Variants in LTC4S observed in about 807,000 individuals in gnomAD.
LTC4S encodes the protein LTC4 synthase.
Under a neutral mutation model 19.6 loss-of-function variants are expected in LTC4S, and 18 were observed. The ratio of observed to expected loss-of-function variants is 0.92; its 90% CI spans 0.64 to 1.36. LTC4S has a LOEUF of 1.36. Ranked by LOEUF, LTC4S falls within the 40% of genes most tolerant of loss-of-function variation. LTC4S has a pLI of 0.00. For missense variants in LTC4S, 235 were observed against 212.2 expected, an observed-to-expected ratio of 1.11 and a Z score of -0.67; for synonymous variants, 126 against 110.1, an observed-to-expected ratio of 1.14 and a Z score of -0.91.
chr5:179,794,188 T>C, intron 1 of LTC4S, 50 bp downstream of exon 1: 1 of 1,609,444 alleles, frequency 6.2e-7, no homozygotes, highest in Admixed American at 1.7e-5. Context: ...TCCCTACAGC[T>C]TGCCCTCTGC....
chr5:179,796,021 A>C lies in LTC4S; in HGVS notation c.310A>C (p.Arg104=). 7.5e-7 allele frequency: 1 copy of C among 1,335,010 alleles called. No homozygotes were observed. Among genetic ancestry groups the C allele is most frequent in the Non-Finnish European group, 9.8e-7 (1 of 1,022,238 alleles). The allele number at this position is 1,335,010 out of a possible 1,614,324, so 82.7% of individuals were successfully genotyped here. The change falls in exon 4 of 5, where the codon AGG becomes CGG. Residue 104 remains arginine, a splice_region_variant and synonymous_variant. Transcript: ENST00000292596. ...FQGYARSAQL[R]LAPLYASARA... is the part of the protein sequence containing the mutation. Reference sequence around the variant, plus strand: ...GGGCTACGCGCGCTCCGCGCAGCTCAGGTGAGGGCCGGGCGGGGAGCGGGG... The same window carrying C: ...GGGCTACGCGCGCTCCGCGCAGCTCCGGTGAGGGCCGGGCGGGGAGCGGGG...
At chr5:179,795,428 AGAC>A in intron 1 of LTC4S, 153 bp from the exon 2 acceptor site, 2 of 1,473,700 alleles carry the variant, frequency 1.4e-6, no homozygotes, top group Non-Finnish European at 1.8e-6. Flanking sequence ...GGGATGGGTG[AGAC>A]GAGAGGTCTC....
rs1255079283 is a variant in LTC4S, at chr5:179,796,484, C to T, written c.*90C>T. 16 of 1,373,012 alleles carry T rather than the reference C, an allele frequency of 1.2e-5. No individual in the cohort carries two copies. Among genetic ancestry groups the T allele is most frequent in the Non-Finnish European group, 1.5e-5 (16 of 1,066,120 alleles). The allele number at this position is 1,373,012 out of a possible 1,614,324, so 85.1% of individuals were successfully genotyped here. On this transcript the variant is annotated 3_prime_UTR_variant, in exon 5 of 5. Coordinates refer to ENST00000292596, the MANE Select transcript of LTC4S (RefSeq NM_145867.2). ...GGGGCGCTCGCTTCCGCATCCTAGT[C>T]TCTATCATTAAAGTTCTAGTGACCG... is the stretch of plus-strand genomic sequence containing the variant.
intron 1 of LTC4S, among the ~76,000 whole-genome samples, chr5:179,794,412 A>T (rs1477478292): frequency 6.6e-6 from 1 of 152,092 alleles, no homozygotes; most frequent in Non-Finnish European, 1.5e-5. Context: ...GCGTCCCAGC[A>T]AGCGGCCCCC....
chr5:179,795,503 C>T, intron 1 of LTC4S, 81 bp from the exon 2 acceptor site: 1 of 1,533,744 alleles, frequency 6.5e-7, no homozygotes, highest in Non-Finnish European at 8.8e-7. Flanking sequence ...AAGTGAAGGG[C>T]CAGATTGCAG....
In LTC4S at chr5:179,796,368, C is replaced by T; in HGVS notation, c.427C>T (p.Leu143Phe). 1 of 1,497,654 alleles carries T rather than the reference C, an allele frequency of 6.7e-7. No homozygotes were observed. The highest frequency in any genetic ancestry group is 8.8e-7 in the Non-Finnish European group (1 of 1,131,236). 92.8% of individuals were successfully genotyped at this position (1,497,654 alleles called of 1,614,324 possible). A position where few individuals can be genotyped will look rare whatever the true frequency, so the allele number is the denominator to read the frequency against. ...AALRAALLGR[L>F]RTLLPWA ...GCTGCGCGCCGCGCTCCTCGGACGG[C>T]TCCGGACGCTGCTGCCGTGGGCCTG... The change falls in exon 5 of 5, where the codon CTC becomes TTC. Residue 143 changes from leucine (L) to phenylalanine (F), a missense_variant. Transcript: ENST00000292596.
At chr5:179,795,268 G>A (rs1049525969) in intron 1 of LTC4S, 21 of 721,758 alleles carry the variant, frequency 2.9e-5, no homozygotes, top group Non-Finnish European at 4.0e-5. Flanking sequence ...CAGAAACAAG[G>A]ACTCAAGTGG....
At position 179,794,029 on chromosome 5, in the gene LTC4S, C is replaced by T. The variant is rs1313099242; in HGVS notation, c.-52C>T. 2.5e-6 allele frequency: 4 copies of T among 1,612,728 alleles called. No individual in the cohort carries two copies. Among genetic ancestry groups the T allele is most frequent in the Non-Finnish European group, 3.4e-6 (4 of 1,179,578 alleles). ...CCTCTGAGCAGCAGACGGGGCTAAG[C>T]GTTCCCCAGCTCGCCTTCACACACA... On this transcript the variant is annotated 5_prime_UTR_variant, in exon 1 of 5. Transcript: ENST00000292596.
Position 179,796,467 on chromosome 5 carries a change from C to A in LTC4S, c.*73C>A. Reference sequence around the variant, plus strand: ...TCCAGCTGCCCCGGGGAGGGGCGCTCGCTTCCGCATCCTAGTCTCTATCAT... The same window carrying A: ...TCCAGCTGCCCCGGGGAGGGGCGCTAGCTTCCGCATCCTAGTCTCTATCAT... On this transcript the variant is annotated 3_prime_UTR_variant, in exon 5 of 5. Coordinates refer to ENST00000292596, the MANE Select transcript of LTC4S (RefSeq NM_145867.2). 2 of 1,410,094 alleles carry A rather than the reference C, an allele frequency of 1.4e-6. No individual in the cohort carries two copies. The allele number at this position is 1,410,094 out of a possible 1,614,324, so 87.3% of individuals were successfully genotyped here.
chr5:179,795,527 C>G, intron 1 of LTC4S, 57 bp from the exon 2 acceptor site: 1 of 1,557,090 alleles, frequency 6.4e-7, no homozygotes, highest in Non-Finnish European at 8.7e-7. Context: ...CCCTCCCACT[C>G]CCATCTCTGG....
rs954480863 is a variant in LTC4S at position 179,796,374 on chromosome 5, ACGCTGCTGCCGTGGGC to A, written c.435_450del (p.Leu146GlufsTer30). On this transcript the variant is annotated frameshift_variant, in exon 5 of 5. Transcript: ENST00000292596. LOFTEE classifies it high-confidence loss of function. ...CGCCGCGCTCCTCGGACGGCTCCGG[ACGCTGCTGCCGTGGGC>A]CTGAGACCAAGGCCCCCGGGCCGAC... The A allele has an allele frequency of 2.0e-6, 3 of 1,497,384 alleles. No homozygotes were observed. In the African/African-American group the frequency reaches 4.4e-5, roughly 22 times the overall value. The allele number at this position is 1,497,384 out of a possible 1,614,324, so 92.8% of individuals were successfully genotyped here.
chr5:179,794,825 G>A (rs1405403539), intron 1 of LTC4S, among the ~76,000 whole-genome samples: 3 of 152,214 alleles, frequency 2.0e-5, no homozygotes, highest in African/African-American at 4.8e-5. Flanking sequence ...ACTGGTCTGT[G>A]TGTGGTCTGG....
intron 1 of LTC4S, 183 bp from the exon 2 acceptor site, chr5:179,795,401 G>T (rs1756571074): frequency 1.4e-6 from 2 of 1,445,306 alleles, no homozygotes; most frequent in African/African-American, 1.4e-5. Flanking sequence ...TGAATGTCAG[G>T]GACACAGGGC....
Position 179,796,293 on chromosome 5 carries a change from C to A in LTC4S, c.352C>A (p.Leu118Met). 6.8e-7 allele frequency: 1 copy of A among 1,472,714 alleles called. No homozygotes were observed. Among genetic ancestry groups the A allele is most frequent in the Non-Finnish European group, 8.9e-7 (1 of 1,118,686 alleles). 91.2% of individuals were successfully genotyped at this position (1,472,714 alleles called of 1,614,324 possible). A position where few individuals can be genotyped will look rare whatever the true frequency, so the allele number is the denominator to read the frequency against. ...LYASARALWL[L>M]VALAALGLLA... ...CGCGAGCGCGCGCGCCCTCTGGCTG[C>A]TGGTGGCGCTGGCTGCGCTCGGCCT... The change falls in exon 5 of 5, where the codon CTG becomes ATG. Residue 118 changes from leucine (L) to methionine (M), a missense_variant. Physicochemically the swap from Leu to Met is conservative, Grantham distance 15. Coordinates refer to ENST00000292596, the MANE Select transcript of LTC4S (RefSeq NM_145867.2).
In LTC4S at chr5:179,795,572, C is replaced by T. The variant is rs535037049; in HGVS notation, c.59-12C>T. The stretch of plus-strand genomic sequence containing the variant: ...TGTCCAGACCTGACTCCCGCTCCCC[C>T]TCCTCCCCCAGCCTACTTCTCCCTG... On this transcript the variant is annotated splice_polypyrimidine_tract_variant and intron_variant, in intron 1 of 4. Transcript: ENST00000292596. The T allele has an allele frequency of 1.7e-5, 28 of 1,604,694 alleles. 1 individual carries two copies. In the East Asian group the frequency reaches 3.2e-4, roughly 18 times the overall value.
chr5:179,796,166 G>T, intron 4 of LTC4S, 87 bp from the exon 5 acceptor site: 1 of 1,272,420 alleles, frequency 7.9e-7, no homozygotes, highest in Non-Finnish European at 1.0e-6. Flanking sequence ...CCTGGCGGCG[G>T]CCAGAGGAAG....
chr5:179,795,983 T>G lies in LTC4S; in HGVS notation c.272T>G (p.Leu91Arg). ...GGCCTGGTCTACCTGTTCGCGCGCCTCCGCTACTTCCAGGGCTACGCGCGC... is the reference window on the plus strand; with the variant it reads ...GGCCTGGTCTACCTGTTCGCGCGCCGCCGCTACTTCCAGGGCTACGCGCGC... ...LCGLVYLFAR[L>R]RYFQGYARSA... The change falls in exon 4 of 5, where the codon CTC becomes CGC. Residue 91 changes from leucine (L) to arginine (R), a missense_variant. Physicochemically the swap from Leu to Arg is moderately radical, Grantham distance 102. Transcript: ENST00000292596. 1 of 1,536,608 alleles carries G rather than the reference T, an allele frequency of 6.5e-7. No individual in the cohort carries two copies. Among genetic ancestry groups the G allele is most frequent in the South Asian group, 1.2e-5 (1 of 84,980 alleles).
intron 2 of LTC4S, 35 bp from the exon 3 acceptor site, chr5:179,795,751 C>G (rs1756585512): frequency 5.1e-6 from 8 of 1,568,522 alleles, no homozygotes; most frequent in Non-Finnish European, 6.0e-6. Flanking sequence ...CAGGACCATC[C>G]CGGCCGGCGC....
rs1323959334 is a variant in LTC4S, at chr5:179,795,820, G to T, written c.193G>T (p.Ala65Ser). The part of the protein sequence containing the change: ...NCSEYFPLFL[A>S]TLWVAGIFFH... ...CAGCGAGTACTTCCCGCTGTTCCTCGCCACGCTCTGGGTCGCCGGCATCTT... is the reference window on the plus strand; with the variant it reads ...CAGCGAGTACTTCCCGCTGTTCCTCTCCACGCTCTGGGTCGCCGGCATCTT... The change falls in exon 3 of 5, where the codon GCC (alanine) becomes TCC (serine). Residue 65 changes from alanine to serine, a missense_variant. Transcript: ENST00000292596. 1.9e-6 allele frequency: 3 copies of T among 1,605,968 alleles called. No individual in the cohort carries two copies. The highest frequency in any genetic ancestry group is 2.5e-6 in the Non-Finnish European group (3 of 1,178,010).
Sources: allele counts gnomAD v4.1 joint callset (sites outside exome capture counted in the v4.1 genomes callset), GRCh38; gene constraint gnomAD v4.1.1; transcripts MANE v1.5; gene names NCBI Gene and HGNC (gene_info 2026-07-23, HGNC 2026-07-21).